TXNDC12: variants seen among roughly 807,000 people sequenced by gnomAD.
TXNDC12 encodes the protein thioredoxin domain containing 12, also known as thioredoxin domain-containing protein 12.
In TXNDC12, 22 loss-of-function variants were observed where a neutral mutation model predicts 24.2. The observed-to-expected ratio is 0.91, with a 90% CI of 0.65 to 1.30. The LOEUF is 1.30. Ranked by LOEUF, TXNDC12 falls within the 50% of genes most tolerant of loss-of-function variation. The pLI is 0.00. For synonymous variants in TXNDC12, 58 were observed against 73.4 expected, an observed-to-expected ratio of 0.79 and a Z score of 1.07; for missense variants, 184 against 205.8, an observed-to-expected ratio of 0.89 and a Z score of 0.65.
At chr1:52,024,744 C>G in intron 4 of TXNDC12, 165 bp from the exon 5 acceptor site, 2 of 594,438 alleles carry the variant, frequency 3.4e-6, no homozygotes, top group Non-Finnish European at 6.1e-6. Flanking sequence ...AATGTCCTAC[C>G]CCTTGTTAAG....
At chr1:52,049,886 A>G (rs1041682951) in intron 1 of TXNDC12, among the ~76,000 whole-genome samples, 2 of 152,212 alleles carry the variant, frequency 1.3e-5, no homozygotes, top group Non-Finnish European at 2.9e-5. Flanking sequence ...AATATTAATG[A>G]CTAACACATG....
chr1:52,051,460 C>T (rs185178136), intron 1 of TXNDC12, among the ~76,000 whole-genome samples: 193 of 152,278 alleles, frequency 1.3e-3, no homozygotes, highest in African/African-American at 4.6e-3. Flanking sequence ...ACTGCAACCT[C>T]CGCCTCCCAG....
chr1:52,049,748 T>A (rs569764931), intron 1 of TXNDC12, among the ~76,000 whole-genome samples: 1 of 151,988 alleles, frequency 6.6e-6, no homozygotes, highest in Non-Finnish European at 1.5e-5. Context: ...ATGTTGCCCA[T>A]GCTGGTTTTG....
At position 52,023,541 on chromosome 1, in the gene TXNDC12, TTGA is replaced by T; in HGVS notation, c.386_388del (p.Ile129del). 1 of 1,614,118 alleles carries T rather than the reference TTGA, an allele frequency of 6.2e-7. No homozygotes were observed. Among genetic ancestry groups the T allele is most frequent in the Admixed American group, 1.7e-5 (1 of 60,024 alleles). ...CTTGTAGCTGGGGTTTCCATTCTCA[TTGA>T]TGATTTCAGGATGCACCTTGCCACT... On this transcript the variant is annotated inframe_deletion, in exon 6 of 7. Coordinates refer to ENST00000371626, the MANE Select transcript of TXNDC12 (RefSeq NM_015913.4).
rs1337569000 is a variant in TXNDC12, at chr1:52,028,637, A to G, written c.159-7T>C. ...CACCATCAGGGGCAGTCCACTTAAAAGCAAAACAAAGAAATTATAATCTAG... is the reference window on the plus strand; with the variant it reads ...CACCATCAGGGGCAGTCCACTTAAAGGCAAAACAAAGAAATTATAATCTAG... On this transcript the variant is annotated splice_polypyrimidine_tract_variant and splice_region_variant and intron_variant, in intron 2 of 6. Transcript: ENST00000371626. The G allele has an allele frequency of 1.9e-6, 3 of 1,604,344 alleles. No homozygotes were observed. Among genetic ancestry groups the G allele is most frequent in the Admixed American group, 3.4e-5 (2 of 58,732 alleles).
intron 3 of TXNDC12, 142 bp from the exon 4 acceptor site, chr1:52,027,490 A>G (rs1685687311): frequency 1.6e-6 from 1 of 613,406 alleles, no homozygotes; most frequent in African/African-American, 1.9e-5. Context: ...TTTACACTCT[A>G]AAAAACAAGA....
intron 2 of TXNDC12, among the ~76,000 whole-genome samples, chr1:52,030,017 C>A (rs1482174379): frequency 6.6e-6 from 1 of 152,120 alleles, no homozygotes; most frequent in Non-Finnish European, 1.5e-5. Context: ...TATTAATGGT[C>A]TCACAATAGA....
intron 2 of TXNDC12, chr1:52,032,595 A>T: frequency 6.7e-7 from 1 of 1,484,984 alleles, no homozygotes; most frequent in Non-Finnish European, 8.9e-7. Flanking sequence ...GCTCTAGTAC[A>T]GTACTGCATC....
intron 2 of TXNDC12, chr1:52,033,137 G>A (rs368861129): frequency 6.2e-7 from 1 of 1,614,188 alleles, no homozygotes; most frequent in Non-Finnish European, 8.5e-7. Context: ...AGGGCCTCCA[G>A]GAGTTCGGGA....
chr1:52,047,342 G>T (rs996906933), intron 1 of TXNDC12, among the ~76,000 whole-genome samples: 1 of 152,104 alleles, frequency 6.6e-6, no homozygotes, highest in Admixed American at 6.5e-5. Context: ...GGTAAAGAGG[G>T]ACTATAATTA....
intron 2 of TXNDC12, among the ~76,000 whole-genome samples, chr1:52,039,088 C>CA (rs56219938): frequency 0.92 from 75,019 of 81,686 alleles, 34,461 homozygotes; most frequent in South Asian, 0.96. Context: ...GACACCGTCT[C>CA]AAAAAAAAAA....
chr1:52,033,339 G>A, intron 2 of TXNDC12: 1 of 1,613,848 alleles, frequency 6.2e-7, no homozygotes, highest in Non-Finnish European at 8.5e-7. Context: ...GGGCTCTCCC[G>A]TCCTCCTCAG....
upstream of TXNDC12, chr1:52,055,470 T>TC (rs1351268117): frequency 2.2e-5 from 5 of 231,064 alleles, no homozygotes; most frequent in East Asian, 3.6e-4. Context: ...GTCCAGCCCC[T>TC]CCCCCCAAGA....
At chr1:52,021,080 C>G (rs555466267) in intron 6 of TXNDC12, 68 bp from the exon 7 acceptor site, 2 of 1,143,008 alleles carry the variant, frequency 1.7e-6, no homozygotes, top group African/African-American at 3.0e-5. Flanking sequence ...AACCAATGTA[C>G]ACTTTTAAAT....
intron 2 of TXNDC12, chr1:52,034,159 C>A: frequency 1.2e-6 from 1 of 841,564 alleles, no homozygotes; most frequent in Non-Finnish European, 1.6e-6. Context: ...TACTGGCTCT[C>A]AGTAAATGTT....
rs532423652 is a variant in TXNDC12, at chr1:52,030,961, T to C, written c.159-2331A>G. Reference sequence around the variant, plus strand: ...TACCATCTATAAGTAGCAACAGCATTTGATGGTCCACAAAGCCTAAAACAT... The same window carrying C: ...TACCATCTATAAGTAGCAACAGCATCTGATGGTCCACAAAGCCTAAAACAT... On this transcript the variant is annotated intron_variant, in intron 2 of 6. Coordinates refer to ENST00000371626, the MANE Select transcript of TXNDC12 (RefSeq NM_015913.4). Among the ~76,000 whole-genome samples, 6 of 152,328 alleles carry C rather than the reference T, an allele frequency of 3.9e-5. No homozygotes were observed. The South Asian group carries it at 8.3e-4, about 21-fold the overall frequency.
At chr1:52,041,233 T>C (rs923277231) in intron 2 of TXNDC12, among the ~76,000 whole-genome samples, 3 of 150,090 alleles carry the variant, frequency 2.0e-5, no homozygotes, top group Non-Finnish European at 2.9e-5. Context: ...CTCGGGAGGC[T>C]GAGGCAGGAG....
intron 2 of TXNDC12, among the ~76,000 whole-genome samples, chr1:52,040,031 A>C (rs1685957422): frequency 6.6e-6 from 1 of 152,012 alleles, no homozygotes; most frequent in South Asian, 2.1e-4. Context: ...TCCCGGGTTC[A>C]AGTGATTCTC....
intron 6 of TXNDC12, among the ~76,000 whole-genome samples, chr1:52,022,635 GTTTTTTTT>G (rs1188645759): frequency 1.7e-5 from 2 of 118,616 alleles, no homozygotes; most frequent in African/African-American, 6.4e-5. Context: ...GGTTTTTTTG[GTTTTTTTT>G]TTTTTTTTTT....
Sources: allele counts gnomAD v4.1 joint callset (sites outside exome capture counted in the v4.1 genomes callset), GRCh38; gene constraint gnomAD v4.1.1; transcripts MANE v1.5; gene names NCBI Gene and HGNC (gene_info 2026-07-23, HGNC 2026-07-21).